PTPRE: variants seen among roughly 807,000 people sequenced by gnomAD.
PTPRE encodes the protein protein tyrosine phosphatase receptor type E, also known as receptor-type tyrosine-protein phosphatase epsilon.
A neutral mutation model predicts 102.0 loss-of-function variants in PTPRE; 51 were observed. The observed-to-expected ratio is 0.50, with a 90% CI of 0.40 to 0.63. The LOEUF is 0.63. PTPRE is among the 30% of genes least tolerant of loss of function. PTPRE has a pLI of 0.00. For missense variants in PTPRE, 752 were observed against 915.1 expected (o/e 0.82, Z 2.30); for synonymous variants, 345 against 348.2 (o/e 0.99, Z 0.10).
At chr10:128,035,107 C>A (rs1847101063) in intron 2 of PTPRE, among the ~76,000 whole-genome samples, 1 of 152,134 alleles carries the variant, frequency 6.6e-6, no homozygotes, top group Admixed American at 6.5e-5. Flanking sequence ...CTCAGTCCAG[C>A]AAGTAGCTGG....
intron 1 of PTPRE, among the ~76,000 whole-genome samples, chr10:127,966,391 C>T (rs542045934): frequency 2.8e-4 from 42 of 152,248 alleles, no homozygotes; most frequent in Admixed American, 2.2e-3. Flanking sequence ...GCAGATATTA[C>T]AGCCAAAATA....
intron 1 of PTPRE, among the ~76,000 whole-genome samples, chr10:127,916,005 A>G (rs1008365456): frequency 9.2e-5 from 14 of 152,008 alleles, no homozygotes; most frequent in African/African-American, 3.4e-4. Context: ...GAAAAAAAAA[A>G]AAAAAGGCAC....
chr10:128,005,767 A>G (rs1692614922), intron 2 of PTPRE, among the ~76,000 whole-genome samples: 1 of 152,182 alleles, frequency 6.6e-6, no homozygotes, highest in Admixed American at 6.5e-5. Context: ...AATGGCTAAA[A>G]CAATAGAGGT....
chr10:128,047,379 T>G lies in PTPRE; in HGVS notation c.110-11T>G, dbSNP rs1306162185. ...AGGTCAGGGGTTAGGGTCTTTCTGCTTCTCCTGCAGGCCCTCCGGACCCGG... is the reference window on the plus strand; with the variant it reads ...AGGTCAGGGGTTAGGGTCTTTCTGCGTCTCCTGCAGGCCCTCCGGACCCGG... On this transcript the variant is annotated splice_polypyrimidine_tract_variant and intron_variant, in intron 3 of 20. Coordinates refer to ENST00000254667, the MANE Select transcript of PTPRE (RefSeq NM_006504.6). 4 of 1,612,036 alleles carry G rather than the reference T, an allele frequency of 2.5e-6. No homozygotes were observed. In the African/African-American group the frequency reaches 5.3e-5, roughly 22 times the overall value.
Position 128,070,243 on chromosome 10 carries a change from C to A in PTPRE, c.1144-58C>A. The A allele has an allele frequency of 6.6e-7, 1 of 1,526,046 alleles. No homozygotes were observed. Among genetic ancestry groups the A allele is most frequent in the Non-Finnish European group, 8.8e-7 (1 of 1,134,952 alleles). 94.5% of individuals were successfully genotyped at this position (1,526,046 alleles called of 1,614,324 possible). Reference sequence around the variant, plus strand: ...GCCCTCTTTGGTCTGCCAAGCTCCACGTGGGCCAAGACTGCAGGGCAGAGT... The same window carrying A: ...GCCCTCTTTGGTCTGCCAAGCTCCAAGTGGGCCAAGACTGCAGGGCAGAGT... On this transcript the variant is annotated intron_variant, in intron 13 of 20. Coordinates refer to ENST00000254667, the MANE Select transcript of PTPRE (RefSeq NM_006504.6). This position sits in a 1 kb window ranked among gnomAD's most constrained non-coding sequence, Gnocchi z 4.8.
intron 10 of PTPRE, among the ~76,000 whole-genome samples, chr10:128,064,964 T>C (rs1264870834): frequency 2.0e-5 from 3 of 152,272 alleles, no homozygotes; most frequent in African/African-American, 4.8e-5. Flanking sequence ...CTGACACATG[T>C]TCTCAGTTCC....
intron 1 of PTPRE, among the ~76,000 whole-genome samples, chr10:127,952,677 G>A (rs1283151243): frequency 6.6e-6 from 1 of 152,086 alleles, no homozygotes; most frequent in East Asian, 1.9e-4. Flanking sequence ...ACACACTAGG[G>A]GATAAAGTGC....
In PTPRE at chr10:128,040,970, A is replaced by G; in HGVS notation, c.89A>G (p.Asn30Ser). Residue 30 changes from asparagine to serine, a missense_variant, in exon 3 of 21, where the codon AAC becomes AGC. This residue lies in a region of PTPRE where 116 missense variants were observed against 90.8 expected (regional missense o/e 1.28). Transcript: ENST00000254667. ...GGCAACGAGACCACTGCCGACAGCAACGAGACAACCACGACCTCAGGTAAG... is the reference window on the plus strand; with the variant it reads ...GGCAACGAGACCACTGCCGACAGCAGCGAGACAACCACGACCTCAGGTAAG... ...LRGNETTADSNETTTTSGPPD... is the reference protein window; with the variant it reads ...LRGNETTADSSETTTTSGPPD... 1 of 1,614,084 alleles carries G rather than the reference A, an allele frequency of 6.2e-7. No homozygotes were observed. The highest frequency in any genetic ancestry group is 1.3e-5 in the African/African-American group (1 of 75,022).
intron 1 of PTPRE, among the ~76,000 whole-genome samples, chr10:127,977,768 C>T (rs1041379910): frequency 3.3e-5 from 5 of 152,232 alleles, no homozygotes; most frequent in South Asian, 2.1e-4. Context: ...TTCCTGTGGG[C>T]GCCCTCACTG....
At chr10:128,035,297 A>G (rs1847121214) in intron 2 of PTPRE, among the ~76,000 whole-genome samples, 1 of 152,054 alleles carries the variant, frequency 6.6e-6, no homozygotes, top group Non-Finnish European at 1.5e-5. Flanking sequence ...ACACACACAC[A>G]CAAAATATGT....
chr10:127,925,826 G>A (rs1846965240), intron 1 of PTPRE, among the ~76,000 whole-genome samples: 1 of 152,130 alleles, frequency 6.6e-6, no homozygotes, highest in African/African-American at 2.4e-5. Context: ...CCTGGGAGGT[G>A]GAGCACTTTG....
At chr10:128,021,977 G>T (rs1381075572) in intron 2 of PTPRE, among the ~76,000 whole-genome samples, 1 of 152,148 alleles carries the variant, frequency 6.6e-6, no homozygotes, top group Non-Finnish European at 1.5e-5. Flanking sequence ...TTCAATTATT[G>T]ATCATCAATA....
At chr10:127,965,262 G>A (rs868637430) in intron 1 of PTPRE, among the ~76,000 whole-genome samples, 38 of 151,928 alleles carry the variant, frequency 2.5e-4, no homozygotes, top group Middle Eastern at 3.4e-3. Flanking sequence ...ATCTTTAAAA[G>A]ACAAAAGAAG....
intron 11 of PTPRE, among the ~76,000 whole-genome samples, chr10:128,067,324 G>A (rs1277875017): frequency 6.8e-6 from 1 of 146,994 alleles, no homozygotes; most frequent in Non-Finnish European, 1.5e-5. Context: ...TCACACATGT[G>A]CACACACATA....
chr10:127,974,890 C>A (rs1851029615), intron 1 of PTPRE, among the ~76,000 whole-genome samples: 2 of 152,176 alleles, frequency 1.3e-5, no homozygotes, highest in African/African-American at 4.8e-5. Context: ...ATCATACCTC[C>A]CCACCTCATA....
chr10:127,951,453 T>C (rs1374447290), intron 1 of PTPRE, among the ~76,000 whole-genome samples: 3 of 152,210 alleles, frequency 2.0e-5, no homozygotes, highest in South Asian at 2.1e-4. Context: ...TGAACTGACA[T>C]TGATTCCAGG....
intron 11 of PTPRE, 58 bp from the exon 12 acceptor site, chr10:128,068,065 C>A: frequency 6.4e-7 from 1 of 1,555,866 alleles, no homozygotes; most frequent in Non-Finnish European, 8.7e-7. Flanking sequence ...GAATGAGATG[C>A]TGGGGGAGCA....
At chr10:128,037,297 C>T (rs1224724409) in intron 2 of PTPRE, among the ~76,000 whole-genome samples, 2 of 152,356 alleles carry the variant, frequency 1.3e-5, no homozygotes, top group East Asian at 3.9e-4. Flanking sequence ...CCCTTCACTC[C>T]TCTGTCCCCT....
intron 2 of PTPRE, among the ~76,000 whole-genome samples, chr10:128,021,262 C>A (rs926964737): frequency 6.6e-6 from 1 of 152,142 alleles, no homozygotes; most frequent in South Asian, 2.1e-4. Context: ...TCAGGCTAGA[C>A]CCTGCATCTG....
Sources: gnomAD v4.1 joint callset for allele counts (sites outside exome capture counted in the v4.1 genomes callset) on GRCh38, gnomAD v4.1.1 for gene constraint, gnomAD v4.1.1 regional missense constraint, Gnocchi (gnomAD v3.1) non-coding constraint, MANE v1.5 for transcripts, NCBI Gene and HGNC (gene_info 2026-07-23, HGNC 2026-07-21) for gene names.